CRHR2: variants seen among roughly 807,000 people sequenced by gnomAD.
CRHR2 encodes corticotropin releasing hormone receptor 2.
In CRHR2, 53 loss-of-function variants were observed where a neutral mutation model predicts 57.9. The observed-to-expected ratio is 0.92, with a 90% confidence interval of 0.73 to 1.15. The LOEUF is 1.15. Ranked by LOEUF, CRHR2 falls within the 50% of genes most tolerant of loss-of-function variation. The pLI is 0.00. For missense variants in CRHR2, 532 were observed against 542.6 expected, an observed-to-expected ratio of 0.98 and a Z score of 0.19; for synonymous variants, 213 against 220.9, an observed-to-expected ratio of 0.96 and a Z score of 0.32.
chr7:30,693,091 A>T (rs1784991741), intron 1 of CRHR2, among the ~76,000 whole-genome samples: 3 of 152,216 alleles, frequency 2.0e-5, no homozygotes, highest in Admixed American at 2.0e-4. Flanking sequence ...CACCTGGGTC[A>T]CGGGAGGCAG....
intron 2 of CRHR2, among the ~76,000 whole-genome samples, chr7:30,672,002 C>G (rs189444432): frequency 6.6e-6 from 1 of 152,298 alleles, no homozygotes; most frequent in South Asian, 2.1e-4. Flanking sequence ...AATGAAGTCA[C>G]TACATGGGAT....
chr7:30,660,713 C>G, intron 7 of CRHR2, 68 bp from the exon 8 acceptor site: 1 of 1,442,296 alleles, frequency 6.9e-7, no homozygotes, highest in Non-Finnish European at 9.5e-7. Flanking sequence ...AGACTTGGGC[C>G]CAGGGTCCTC....
chr7:30,665,423 C>T lies in CRHR2; in HGVS notation c.425+107G>A. The stretch of plus-strand genomic sequence containing the variant: ...CCAAACCCCACTTTCTCCACGGGCC[C>T]TTTTATCTGCTGGGCCCCAGAATGG... On this transcript the variant is annotated intron_variant, in intron 4 of 11. Transcript: ENST00000471646. This position sits in a 1 kb window ranked among gnomAD's most constrained non-coding sequence, Gnocchi z 4.5. 1 of 1,063,120 alleles carries T rather than the reference C, an allele frequency of 9.4e-7. No individual in the cohort carries two copies. 65.9% of individuals were successfully genotyped at this position (1,063,120 alleles called of 1,614,324 possible). A position where few individuals can be genotyped will look rare whatever the true frequency, so the allele number is the denominator to read the frequency against.
At position 30,665,324 on chromosome 7, in the gene CRHR2, C is replaced by T; in HGVS notation, c.426-137G>A. 1.2e-6 allele frequency: 1 copy of T among 846,848 alleles called. No individual in the cohort carries two copies. The highest frequency in any genetic ancestry group is 1.9e-6 in the Non-Finnish European group (1 of 522,090). 52.5% of individuals were successfully genotyped at this position (846,848 alleles called of 1,614,324 possible). The stretch of plus-strand genomic sequence containing the variant: ...AGCCACTTCCCACCCATGGTGGCCA[C>T]AGTTGGGCCTCTGAGTCCAGCTCCC... On this transcript the variant is annotated intron_variant, in intron 4 of 11. Coordinates refer to ENST00000471646, the MANE Select transcript of CRHR2 (RefSeq NM_001883.5). This position sits in a 1 kb window ranked among gnomAD's most constrained non-coding sequence, Gnocchi z 4.5.
At chr7:30,668,231 T>A (rs913472552) in intron 2 of CRHR2, among the ~76,000 whole-genome samples, 1 of 152,152 alleles carries the variant, frequency 6.6e-6, no homozygotes, top group Admixed American at 6.5e-5. Context: ...CTATCTCAGC[T>A]CCAACTGTCA....
At chr7:30,685,800 A>C (rs1444076113), upstream of CRHR2, among the ~76,000 whole-genome samples, 1 of 152,156 alleles carries the variant, frequency 6.6e-6, no homozygotes. Flanking sequence ...CAGCAGCCCA[A>C]ATGGGCTCCC....
intron 2 of CRHR2, among the ~76,000 whole-genome samples, chr7:30,681,413 C>A (rs1013230900): frequency 6.6e-6 from 1 of 152,196 alleles, no homozygotes; most frequent in Non-Finnish European, 1.5e-5. Context: ...GTCCTCCCCA[C>A]GAAACATGCG....
chr7:30,697,284 T>G (rs1785076693), intron 1 of CRHR2, among the ~76,000 whole-genome samples: 1 of 152,206 alleles, frequency 6.6e-6, no homozygotes, highest in Non-Finnish European at 1.5e-5. Flanking sequence ...GGCACCATCC[T>G]GAGACCCTGG....
chr7:30,665,179 C>A lies in CRHR2; in HGVS notation c.434G>T (p.Arg145Leu), dbSNP rs774855744. The stretch of plus-strand genomic sequence containing the variant: ...CCAGTGAATCACATTCCGCAGACAG[C>A]GAATGCTCCTGTGGGAGGTGCAGGT... ...FLLFLALRSI[R>L]CLRNVIHWNL... is the part of the protein sequence containing the mutation. Residue 145 changes from arginine (R) to leucine (L), a missense_variant, in exon 5 of 12, where the codon CGC (arginine) becomes CTC (leucine). Transcript: ENST00000471646. This position sits in a 1 kb window ranked among gnomAD's most constrained non-coding sequence, Gnocchi z 4.5. 1.2e-6 allele frequency: 2 copies of A among 1,613,842 alleles called. No homozygotes were observed. The highest frequency in any genetic ancestry group is 1.7e-6 in the Non-Finnish European group (2 of 1,179,818).
intron 1 of CRHR2, among the ~76,000 whole-genome samples, chr7:30,692,540 T>A (rs1389471712): frequency 6.6e-6 from 1 of 151,826 alleles, no homozygotes; most frequent in Non-Finnish European, 1.5e-5. Context: ...GGAACAGCAG[T>A]AAGAAGAGGA....
At chr7:30,672,838 T>G (rs1378904339) in intron 2 of CRHR2, among the ~76,000 whole-genome samples, 1 of 152,176 alleles carries the variant, frequency 6.6e-6, no homozygotes, top group Non-Finnish European at 1.5e-5. Context: ...GAAGACAACT[T>G]CTGCATTTGG....
rs1784752497 is a variant in CRHR2 at position 30,682,404 on chromosome 7, G to A, written c.-124C>T. On this transcript the variant is annotated 5_prime_UTR_variant, in exon 1 of 12. Coordinates refer to ENST00000471646, the MANE Select transcript of CRHR2 (RefSeq NM_001883.5). ...TCCTGGCCCCCGCCAGCCCAGCCCC[G>A]ATCTCCCGGGCAGCCTTTGGGCGCC... 1 of 1,369,594 alleles carries A rather than the reference G, an allele frequency of 7.3e-7. No homozygotes were observed. The allele number at this position is 1,369,594 out of a possible 1,614,324, so 84.8% of individuals were successfully genotyped here. A position where few individuals can be genotyped will look rare whatever the true frequency, so the allele number is the denominator to read the frequency against.
chr7:30,657,568 G>A (rs925482996), intron 8 of CRHR2, among the ~76,000 whole-genome samples: 5 of 152,178 alleles, frequency 3.3e-5, no homozygotes, highest in South Asian at 2.1e-4. Flanking sequence ...TGATTCTTCC[G>A]GACTTCCCTG....
At chr7:30,682,971 C>T (rs1784776232), upstream of CRHR2, among the ~76,000 whole-genome samples, 1 of 152,152 alleles carries the variant, frequency 6.6e-6, no homozygotes, top group Admixed American at 6.5e-5. Context: ...CAGGGAGACA[C>T]CCATGAGTCT....
At chr7:30,688,137 A>G (rs1345208422) in intron 2 of CRHR2, among the ~76,000 whole-genome samples, 2 of 152,144 alleles carry the variant, frequency 1.3e-5, no homozygotes, top group African/African-American at 4.8e-5. Context: ...ATCCAATAGG[A>G]CTGGTGTTCT....
Position 30,653,297 on chromosome 7 carries a change from C to G in CRHR2, c.*163G>C. 2 of 1,032,838 alleles carry G rather than the reference C, an allele frequency of 1.9e-6. No individual in the cohort carries two copies. The highest frequency in any genetic ancestry group is 1.6e-5 in the South Asian group (1 of 63,724). 64.0% of individuals were successfully genotyped at this position (1,032,838 alleles called of 1,614,324 possible). ...TGGTGGCCCCCACTCATCCCTGTCC[C>G]TTGCAGTCCCCCTTGGCTGCCGCAC... On this transcript the variant is annotated 3_prime_UTR_variant, in exon 12 of 12. Transcript: ENST00000471646. The surrounding 1 kb of genome is among the most constrained non-coding windows in gnomAD (Gnocchi z 5.0).
intron 2 of CRHR2, among the ~76,000 whole-genome samples, chr7:30,687,463 AT>A (rs1206575183): frequency 1.3e-5 from 2 of 152,170 alleles, no homozygotes; most frequent in African/African-American, 4.8e-5. Context: ...GAAAAAGAAA[AT>A]AAAAAAACAA....
At chr7:30,684,891 CA>C (rs1318875016), upstream of CRHR2, among the ~76,000 whole-genome samples, 1 of 152,200 alleles carries the variant, frequency 6.6e-6, no homozygotes, top group Non-Finnish European at 1.5e-5. Flanking sequence ...CAAGTACAAA[CA>C]AACAAAGACA....
At chr7:30,667,026 GTAGGACT>G (rs1306996910) in intron 3 of CRHR2, among the ~76,000 whole-genome samples, 195 bp downstream of exon 3, 1 of 152,208 alleles carries the variant, frequency 6.6e-6, no homozygotes, top group Non-Finnish European at 1.5e-5. Context: ...TCTCTTGAAG[GTAGGACT>G]CCATGTCCCC....
Sources: allele counts gnomAD v4.1 joint callset (sites outside exome capture counted in the v4.1 genomes callset), GRCh38; gene constraint gnomAD v4.1.1; non-coding constraint Gnocchi (gnomAD v3.1); transcripts MANE v1.5; gene names NCBI Gene and HGNC (gene_info 2026-07-23, HGNC 2026-07-21).